Variants in THSD4 observed in about 807,000 individuals in gnomAD.
THSD4 encodes the protein thrombospondin type-1 domain-containing protein 4.
THSD4 carries 69 observed loss-of-function variants against 119.0 expected under a neutral mutation model. The observed-to-expected ratio is 0.58, with a 90% CI of 0.48 to 0.71. THSD4 has a LOEUF of 0.71. THSD4 is among the 30% of genes least tolerant of loss of function. The pLI is 0.00. For synonymous variants in THSD4, 524 were observed against 540.4 expected (o/e 0.97, Z 0.42); for missense variants, 1,393 against 1,391.1 (o/e 1.00, Z -0.02).
intron 7 of THSD4, among the ~76,000 whole-genome samples, chr15:71,470,985 TAA>T (rs1180609433): frequency 1.3e-5 from 2 of 152,240 alleles, no homozygotes; most frequent in African/African-American, 4.8e-5. Flanking sequence ...GCAGTATGTT[TAA>T]AGTTATCAGG....
intron 8 of THSD4, among the ~76,000 whole-genome samples, chr15:71,713,978 T>C (rs377069482): frequency 7.9e-5 from 12 of 152,074 alleles, no homozygotes; most frequent in African/African-American, 2.9e-4. Context: ...GAGTAGAAGG[T>C]GAGCCATAGA....
intron 6 of THSD4, among the ~76,000 whole-genome samples, chr15:71,400,415 A>C (rs539894618): frequency 6.6e-6 from 1 of 152,324 alleles, no homozygotes; most frequent in African/African-American, 2.4e-5. Context: ...CTTATTTTCC[A>C]TAACTTTGTC....
At chr15:71,395,139 G>A (rs1323944117) in intron 6 of THSD4, among the ~76,000 whole-genome samples, 4 of 152,316 alleles carry the variant, frequency 2.6e-5, no homozygotes, top group Non-Finnish European at 2.9e-5. Context: ...ACCTGCCTTA[G>A]GAGTCGGATG....
Position 71,461,477 on chromosome 15 carries a change from T to A in THSD4, c.1152+49654T>A, listed in dbSNP as rs1183330319. On this transcript the variant is annotated intron_variant, in intron 7 of 17. Transcript: ENST00000261862. ...CACCAGTTGCCATCTCAGAGCTGGG[T>A]CAGCACACCCTCGATGGCCCTTCAG... Among the ~76,000 whole-genome samples the A allele has an allele frequency of 2.0e-5, 3 of 152,246 alleles. No homozygotes were observed. In the East Asian group the frequency reaches 5.8e-4, roughly 29 times the overall value.
chr15:71,367,462 T>G (rs1040238651), intron 6 of THSD4, among the ~76,000 whole-genome samples: 1 of 152,152 alleles, frequency 6.6e-6, no homozygotes, highest in Non-Finnish European at 1.5e-5. Flanking sequence ...GGCCCCGGTG[T>G]GTGATGTTCC....
chr15:71,457,817 G>C (rs757528447), intron 7 of THSD4, among the ~76,000 whole-genome samples: 1 of 152,170 alleles, frequency 6.6e-6, no homozygotes, highest in Non-Finnish European at 1.5e-5. Context: ...TGAGGTCTTA[G>C]CATGTCTTTG....
At chr15:71,701,660 A>G (rs138531273) in intron 8 of THSD4, among the ~76,000 whole-genome samples, 1,564 of 152,258 alleles carry the variant, frequency 0.01, 33 homozygotes, top group African/African-American at 0.035. Flanking sequence ...GGTCCTTAAA[A>G]TGATGGTGGG....
At chr15:71,705,484 C>T (rs913461892) in intron 8 of THSD4, among the ~76,000 whole-genome samples, 10 of 152,170 alleles carry the variant, frequency 6.6e-5, no homozygotes, top group African/African-American at 2.2e-4. Context: ...ATTCTTCTTG[C>T]CATGCACAGG....
chr15:71,474,679 T>A (rs780290886), intron 7 of THSD4, among the ~76,000 whole-genome samples: 3 of 152,184 alleles, frequency 2.0e-5, no homozygotes, highest in Non-Finnish European at 2.9e-5. Context: ...GTGAATTGCA[T>A]CATCAAATCT....
At chr15:71,421,576 T>A (rs1022777932) in intron 7 of THSD4, among the ~76,000 whole-genome samples, 2 of 152,236 alleles carry the variant, frequency 1.3e-5, no homozygotes, top group African/African-American at 4.8e-5. Context: ...ATTTCTTTTC[T>A]CTTGCTGCTT....
intron 6 of THSD4, among the ~76,000 whole-genome samples, chr15:71,399,848 C>A (rs554398050): frequency 6.6e-6 from 1 of 152,190 alleles, no homozygotes; most frequent in Non-Finnish European, 1.5e-5. Context: ...TTCTGATGTA[C>A]GTTAGAGTTT....
At position 71,746,968 on chromosome 15, in the gene THSD4, G is replaced by C; in HGVS notation, c.2167G>C (p.Glu723Gln). 6.2e-7 allele frequency: 1 copy of C among 1,613,694 alleles called. No individual in the cohort carries two copies. The highest frequency in any genetic ancestry group is 8.5e-7 in the Non-Finnish European group (1 of 1,180,002). Residue 723 changes from glutamate to glutamine, a missense_variant, in exon 13 of 18, where the codon GAG becomes CAG. Transcript: ENST00000261862. Reference sequence around the variant, plus strand: ...GCAGCCCTACCGCTGCCAGCACCTGGAGAAACCTGAGACCACCAGCACCTG... The same window carrying C: ...GCAGCCCTACCGCTGCCAGCACCTGCAGAAACCTGAGACCACCAGCACCTG... The part of the protein sequence containing the change: ...TVQPYRCQHL[E>Q]KPETTSTCQL...
At chr15:71,329,767 A>G (rs181149951) in intron 6 of THSD4, among the ~76,000 whole-genome samples, 315 of 152,284 alleles carry the variant, frequency 2.1e-3, no homozygotes, top group African/African-American at 7.4e-3. Flanking sequence ...GCACATTGAA[A>G]ATAACTCAGG....
intron 7 of THSD4, among the ~76,000 whole-genome samples, chr15:71,640,878 G>A (rs2050843896): frequency 6.6e-6 from 1 of 151,854 alleles, no homozygotes; most frequent in Non-Finnish European, 1.5e-5. Context: ...TTTCTCTAAA[G>A]GACCAGGTCA....
chr15:71,663,256 A>G (rs1567088652), intron 8 of THSD4, among the ~76,000 whole-genome samples: 3 of 152,122 alleles, frequency 2.0e-5, no homozygotes, highest in Non-Finnish European at 4.4e-5. Flanking sequence ...TATATCAAAA[A>G]AAAAAGAAAA....
chr15:71,546,942 G>T (rs1320584697), intron 7 of THSD4, among the ~76,000 whole-genome samples: 1 of 152,308 alleles, frequency 6.6e-6, no homozygotes, highest in Non-Finnish European at 1.5e-5. Context: ...CCAGATCCTG[G>T]ACTAGGAAGG....
chr15:71,369,797 A>C (rs1296662402), intron 6 of THSD4, among the ~76,000 whole-genome samples: 1 of 152,144 alleles, frequency 6.6e-6, no homozygotes, highest in East Asian at 1.9e-4. Context: ...GGCCTCATAA[A>C]ATGAGTTAGG....
intron 7 of THSD4, among the ~76,000 whole-genome samples, chr15:71,587,787 T>TAAAAAAAAAAAAAAAAAAAAAAAAATAA (rs1207231444): frequency 9.5e-6 from 1 of 105,552 alleles, no homozygotes; most frequent in Non-Finnish European, 1.9e-5. Flanking sequence ...AAAAAAAAAT[T>TAAAAAAAAAAAAAAAAAAAAAAAAATAA]AAAAAAAAAA....
At chr15:71,665,717 C>G (rs1257326577) in intron 8 of THSD4, among the ~76,000 whole-genome samples, 2 of 152,168 alleles carry the variant, frequency 1.3e-5, no homozygotes, top group African/African-American at 4.8e-5. Flanking sequence ...CTCCATATGG[C>G]TAGCCAGTTC....
Sources: gnomAD v4.1 joint callset for allele counts (sites outside exome capture counted in the v4.1 genomes callset) on GRCh38, gnomAD v4.1.1 for gene constraint, MANE v1.5 for transcripts, NCBI Gene and HGNC (gene_info 2026-07-23, HGNC 2026-07-21) for gene names.